Variants in RIT2 observed in about 807,000 individuals in gnomAD.
RIT2 encodes Ras like without CAAX 2.
A neutral mutation model predicts 23.7 loss-of-function variants in RIT2; 24 were observed. The ratio of observed to expected loss-of-function variants is 1.01; its 90% confidence interval spans 0.73 to 1.43. The LOEUF (loss-of-function observed/expected upper bound fraction) is 1.43, where lower values mean the gene tolerates loss of function less well. Among genes scored for constraint, RIT2 ranks in the 40% most tolerant of loss-of-function variants. The pLI, the probability that RIT2 is intolerant of heterozygous loss-of-function variation, is 0.00. For missense variants in RIT2, 236 were observed against 266.9 expected, an observed-to-expected ratio of 0.88 and a Z score of 0.81; for synonymous variants, 107 against 91.1, an observed-to-expected ratio of 1.17 and a Z score of -0.99.
chr18:42,834,871 G>A lies in RIT2; in HGVS notation c.426+88701C>T, dbSNP rs546825756. On this transcript the variant is annotated intron_variant, in intron 4 of 4. Transcript: ENST00000326695. ...CAGAGTGAATTCATTGCATCCTTTA[G>A]GATGTTTTTGGCATGCTTGACATAA... is the stretch of plus-strand genomic sequence containing the variant. 9.2e-5 allele frequency among the ~76,000 whole-genome samples: 14 copies of A among 152,190 alleles called. No individual in the cohort carries two copies. The South Asian group carries it at 2.1e-3, about 23-fold the overall frequency.
chr18:43,107,312 T>C (rs1241051339), intron 1 of RIT2, among the ~76,000 whole-genome samples: 1 of 152,128 alleles, frequency 6.6e-6, no homozygotes. Flanking sequence ...ATCTCTATCA[T>C]TGCCTCACAA....
rs564818066 is a variant in RIT2 at position 42,998,224 on chromosome 18, C to T, written c.161-24077G>A. On this transcript the variant is annotated intron_variant, in intron 2 of 4. Coordinates refer to ENST00000326695, the MANE Select transcript of RIT2 (RefSeq NM_002930.4). Reference sequence around the variant, plus strand: ...AAGTGCTGCCCAGTAGCTTTAAGAACCACCTCAAATATTATTTTCTTTGTG... The same window carrying T: ...AAGTGCTGCCCAGTAGCTTTAAGAATCACCTCAAATATTATTTTCTTTGTG... Among the ~76,000 whole-genome samples the T allele has an allele frequency of 1.5e-4, 23 of 152,196 alleles. No homozygotes were observed. The East Asian group carries it at 3.9e-3, about 26-fold the overall frequency.
intron 1 of RIT2, among the ~76,000 whole-genome samples, chr18:43,096,102 A>T (rs1182857893): frequency 6.6e-6 from 1 of 151,964 alleles, no homozygotes; most frequent in African/African-American, 2.4e-5. Context: ...TTGGAGTAGA[A>T]AAAGGAAGGA....
intron 1 of RIT2, among the ~76,000 whole-genome samples, chr18:43,057,685 G>A (rs1005400168): frequency 4.6e-5 from 7 of 151,738 alleles, no homozygotes; most frequent in African/African-American, 1.7e-4. Flanking sequence ...TTAAGATTAG[G>A]GGTATAGCAC....
intron 1 of RIT2, among the ~76,000 whole-genome samples, chr18:43,085,215 T>C (rs1175922978): frequency 6.6e-6 from 1 of 152,082 alleles, no homozygotes; most frequent in Non-Finnish European, 1.5e-5. Flanking sequence ...GTATTAATTT[T>C]TATTTAATAA....
chr18:43,014,906 A>G (rs909527146), intron 2 of RIT2, among the ~76,000 whole-genome samples: 2 of 151,826 alleles, frequency 1.3e-5, no homozygotes, highest in Admixed American at 1.3e-4. Flanking sequence ...ACATGAATAA[A>G]TTTCACAAAC....
chr18:43,059,062 A>C (rs1352841397), intron 1 of RIT2, among the ~76,000 whole-genome samples: 2 of 152,040 alleles, frequency 1.3e-5, no homozygotes, highest in Non-Finnish European at 2.9e-5. Context: ...GTCGGCTTGA[A>C]GAATGTATGG....
In RIT2 at chr18:42,946,889, A is replaced by C. The variant is rs1278522568; in HGVS notation, c.235-23126T>G. 2.0e-5 allele frequency among the ~76,000 whole-genome samples: 3 copies of C among 152,098 alleles called. No individual in the cohort carries two copies. In the South Asian group the frequency reaches 6.2e-4, roughly 31 times the overall value. ...AATCTTATTCATGGTAAATTACCAT[A>C]CCTAAGCTTTAGAAGTGCAAAAGAA... On this transcript the variant is annotated intron_variant, in intron 3 of 4. Coordinates refer to ENST00000326695, the MANE Select transcript of RIT2 (RefSeq NM_002930.4).
intron 2 of RIT2, among the ~76,000 whole-genome samples, chr18:42,990,050 T>G: frequency 6.6e-6 from 1 of 151,712 alleles, no homozygotes; most frequent in Admixed American, 6.6e-5. Flanking sequence ...TGTATGAATT[T>G]ATTGTAAGGA....
intron 2 of RIT2, among the ~76,000 whole-genome samples, chr18:42,986,196 C>G (rs140921377): frequency 7.8e-4 from 118 of 151,750 alleles, no homozygotes; most frequent in African/African-American, 2.8e-3. Context: ...CCCACCACCA[C>G]GCCTGGCTAA....
chr18:42,763,734 G>A (rs1403499142), intron 4 of RIT2, among the ~76,000 whole-genome samples: 1 of 151,960 alleles, frequency 6.6e-6, no homozygotes, highest in Non-Finnish European at 1.5e-5. Flanking sequence ...TTTTGACTCT[G>A]GTAATAAAAC....
intron 3 of RIT2, among the ~76,000 whole-genome samples, chr18:42,942,150 C>A (rs1019785754): frequency 4.0e-5 from 6 of 151,572 alleles, no homozygotes; most frequent in Admixed American, 3.3e-4. Flanking sequence ...CTGATTTGCC[C>A]TTTGCCTTTT....
intron 4 of RIT2, among the ~76,000 whole-genome samples, chr18:42,783,774 T>C (rs984515146): frequency 2.6e-5 from 4 of 152,066 alleles, no homozygotes; most frequent in Non-Finnish European, 4.4e-5. Flanking sequence ...ATCATATTAG[T>C]GTGGATCTTG....
At chr18:42,984,259 A>C (rs1883984706) in intron 2 of RIT2, among the ~76,000 whole-genome samples, 1 of 152,128 alleles carries the variant, frequency 6.6e-6, no homozygotes, top group African/African-American at 2.4e-5. Flanking sequence ...GATACAGGCA[A>C]TAAAGTGTGT....
At chr18:42,765,641 C>T (rs565917858) in intron 4 of RIT2, among the ~76,000 whole-genome samples, 2 of 152,156 alleles carry the variant, frequency 1.3e-5, no homozygotes, top group Non-Finnish European at 2.9e-5. Context: ...ACATCAGTGA[C>T]CTCTAGCCTT....
chr18:43,102,979 T>A (rs1913724304), intron 1 of RIT2, among the ~76,000 whole-genome samples: 1 of 152,088 alleles, frequency 6.6e-6, no homozygotes, highest in African/African-American at 2.4e-5. Flanking sequence ...ATATCTTAAT[T>A]GTTTGTGACT....
intron 4 of RIT2, among the ~76,000 whole-genome samples, chr18:42,756,825 A>G (rs1213943716): frequency 2.6e-5 from 4 of 152,030 alleles, no homozygotes; most frequent in African/African-American, 4.8e-5. Context: ...CTAAAAATGT[A>G]CTCTTTGAAG....
At chr18:43,017,547 A>T (rs117451820) in intron 2 of RIT2, among the ~76,000 whole-genome samples, 4,531 of 152,136 alleles carry the variant, frequency 0.03, 90 homozygotes, top group Non-Finnish European at 0.039. Flanking sequence ...CATTGGTTAT[A>T]GTACTATCTG....
At chr18:42,923,503 G>T in intron 4 of RIT2, 69 bp downstream of exon 4, 1 of 1,261,766 alleles carries the variant, frequency 7.9e-7, no homozygotes, top group Non-Finnish European at 1.1e-6. Flanking sequence ...ACCTGGGAAA[G>T]CAGCCATATT....
Sources: allele counts gnomAD v4.1 joint callset (sites outside exome capture counted in the v4.1 genomes callset), GRCh38; gene constraint gnomAD v4.1.1; transcripts MANE v1.5; gene names NCBI Gene and HGNC (gene_info 2026-07-23, HGNC 2026-07-21).